The following PTPN5 variants were observed in gnomAD, a reference collection of about 807,000 sequenced individuals.
PTPN5 encodes protein tyrosine phosphatase non-receptor type 5.
A neutral mutation model predicts 73.9 loss-of-function variants in PTPN5; 29 were observed. The ratio of observed to expected loss-of-function variants is 0.39; its 90% CI spans 0.29 to 0.54. The LOEUF is 0.54. PTPN5 is among the 20% of genes least tolerant of loss of function. The pLI is 0.65. For synonymous variants in PTPN5, 267 were observed against 304.7 expected (o/e 0.88, Z 1.29); for missense variants, 652 against 751.4 (o/e 0.87, Z 1.55).
intron 3 of PTPN5, among the ~76,000 whole-genome samples, chr11:18,750,933 C>A (rs899605060): frequency 2.0e-5 from 3 of 152,186 alleles, no homozygotes; most frequent in Admixed American, 2.0e-4. Context: ...TGGAAACCCA[C>A]AAGGGGGATT....
rs555480102 is a variant in PTPN5, at chr11:18,747,271, C to T, written c.98-3072G>A. ...GTTCAAGCAATTCTCCTGCATCAAC[C>T]CCCTGTGTTGCTGGGACTACAGGCA... is the stretch of plus-strand genomic sequence containing the variant. On this transcript the variant is annotated intron_variant, in intron 3 of 14. Coordinates refer to ENST00000358540, the MANE Select transcript of PTPN5 (RefSeq NM_006906.2). Among the ~76,000 whole-genome samples the T allele has an allele frequency of 8.2e-4, 125 of 152,152 alleles. 1 individual carries two copies. In the South Asian group the frequency reaches 8.9e-3, roughly 11 times the overall value.
chr11:18,737,748 C>T (rs551109236), intron 9 of PTPN5, 132 bp downstream of exon 9: 9 of 763,316 alleles, frequency 1.2e-5, no homozygotes, highest in Non-Finnish European at 2.0e-5. Context: ...CAGCCAGCAA[C>T]CCCCAGCCCT....
In PTPN5 at chr11:18,729,928, G is replaced by A; in HGVS notation, c.1330-110C>T. On this transcript the variant is annotated intron_variant, in intron 12 of 14. Coordinates refer to ENST00000358540, the MANE Select transcript of PTPN5 (RefSeq NM_006906.2). This position sits in a 1 kb window ranked among gnomAD's most constrained non-coding sequence, Gnocchi z 5.2. The stretch of plus-strand genomic sequence containing the variant: ...GGAGGAAGAACACAGGAAGAACACT[G>A]AGAGTGGGACCCCTTCACCCTTCCA... The A allele has an allele frequency of 7.1e-7, 1 of 1,407,874 alleles. No homozygotes were observed. 87.2% of individuals were successfully genotyped at this position (1,407,874 alleles called of 1,614,324 possible).
At chr11:18,765,719 G>T in intron 3 of PTPN5, 88 bp downstream of exon 3, 1 of 878,748 alleles carries the variant, frequency 1.1e-6, no homozygotes, top group Non-Finnish European at 1.9e-6. Flanking sequence ...TTCACAGCTA[G>T]CTAGGCTTTA....
Position 18,728,869 on chromosome 11 carries a change from G to A in PTPN5, c.*65C>T. On this transcript the variant is annotated 3_prime_UTR_variant, in exon 15 of 15. Transcript: ENST00000358540. This position sits in a 1 kb window ranked among gnomAD's most constrained non-coding sequence, Gnocchi z 4.1. ...GGAGCAGGCCCAGGACCCGAGGCAG[G>A]GCCCTGGGTGAGGGCCGAGACTCAG... 1 of 1,519,722 alleles carries A rather than the reference G, an allele frequency of 6.6e-7. No homozygotes were observed. The allele number at this position is 1,519,722 out of a possible 1,614,324, so 94.1% of individuals were successfully genotyped here.
intron 2 of PTPN5, among the ~76,000 whole-genome samples, chr11:18,771,474 T>C (rs1262752075): frequency 6.6e-6 from 1 of 152,202 alleles, no homozygotes; most frequent in Non-Finnish European, 1.5e-5. Context: ...ATATGTCCCT[T>C]TGTCTCTTAC....
chr11:18,750,436 C>A (rs540161153), intron 3 of PTPN5, among the ~76,000 whole-genome samples: 1 of 152,192 alleles, frequency 6.6e-6, no homozygotes, highest in African/African-American at 2.4e-5. Context: ...CGCCACACCA[C>A]GTCATTGGTA....
chr11:18,732,327 T>C (rs889817149), intron 12 of PTPN5, among the ~76,000 whole-genome samples: 1 of 152,172 alleles, frequency 6.6e-6, no homozygotes, highest in Non-Finnish European at 1.5e-5. Context: ...ATAGCTAGAA[T>C]GCATTATGAA....
At position 18,729,371 on chromosome 11, in the gene PTPN5, C is replaced by T. The variant is rs1848768228; in HGVS notation, c.1604+82G>A. 4 of 726,864 alleles carry T rather than the reference C, an allele frequency of 5.5e-6. No homozygotes were observed. Among genetic ancestry groups the T allele is most frequent in the Non-Finnish European group, 9.9e-6 (4 of 404,408 alleles). The allele number at this position is 726,864 out of a possible 1,614,324, so 45.0% of individuals were successfully genotyped here. ...TTTTCCATCTGCCCCTCACCCCCCGCCCATGCACATGTGGGTCTCTCCCTC... is the reference window on the plus strand; with the variant it reads ...TTTTCCATCTGCCCCTCACCCCCCGTCCATGCACATGTGGGTCTCTCCCTC... On this transcript the variant is annotated intron_variant, in intron 14 of 14. Transcript: ENST00000358540. This position sits in a 1 kb window ranked among gnomAD's most constrained non-coding sequence, Gnocchi z 5.2.
At chr11:18,781,406 G>A (rs1299974469) in intron 1 of PTPN5, among the ~76,000 whole-genome samples, 2 of 136,794 alleles carry the variant, frequency 1.5e-5, no homozygotes, top group African/African-American at 2.7e-5. Flanking sequence ...TGCAGCCTCC[G>A]CCTCCCGGGT....
chr11:18,729,146 G>A lies in PTPN5; in HGVS notation c.1605-119C>T. Reference sequence around the variant, plus strand: ...GCCTTGCCCCTGTGCGTCTTGGAGAGACCAACCCTTGCCAACCATTACCCT... The same window carrying A: ...GCCTTGCCCCTGTGCGTCTTGGAGAAACCAACCCTTGCCAACCATTACCCT... On this transcript the variant is annotated intron_variant, in intron 14 of 14. Coordinates refer to ENST00000358540, the MANE Select transcript of PTPN5 (RefSeq NM_006906.2). The surrounding 1 kb of genome is among the most constrained non-coding windows in gnomAD (Gnocchi z 5.2). 1 of 990,284 alleles carries A rather than the reference G, an allele frequency of 1.0e-6. No individual in the cohort carries two copies. Among genetic ancestry groups the A allele is most frequent in the Non-Finnish European group, 1.5e-6 (1 of 658,362 alleles). 61.3% of individuals were successfully genotyped at this position (990,284 alleles called of 1,614,324 possible). A position where few individuals can be genotyped will look rare whatever the true frequency, so the allele number is the denominator to read the frequency against.
Position 18,742,530 on chromosome 11 carries a change from T to C in PTPN5, c.484-27A>G. The C allele has an allele frequency of 6.2e-7, 1 of 1,608,402 alleles. No homozygotes were observed. The highest frequency in any genetic ancestry group is 8.5e-7 in the Non-Finnish European group (1 of 1,178,244). Reference sequence around the variant, plus strand: ...TGGTTGGGGTGTACAGCATCACAGATTTCGGACCACGCTGGCTGCCCCCCG... The same window carrying C: ...TGGTTGGGGTGTACAGCATCACAGACTTCGGACCACGCTGGCTGCCCCCCG... On this transcript the variant is annotated intron_variant, in intron 6 of 14. Transcript: ENST00000358540. The surrounding 1 kb of genome is among the most constrained non-coding windows in gnomAD (Gnocchi z 4.1).
At chr11:18,771,855 C>T in intron 2 of PTPN5, 84 bp downstream of exon 2, 1 of 1,164,760 alleles carries the variant, frequency 8.6e-7, no homozygotes, top group East Asian at 2.4e-5. Context: ...GAGAATGGGT[C>T]ACGTGTCCCA....
At chr11:18,746,192 T>TATATATATATATACAC (rs550537453) in intron 3 of PTPN5, among the ~76,000 whole-genome samples, 5 of 102,818 alleles carry the variant, frequency 4.9e-5, no homozygotes, top group African/African-American at 1.2e-4. Context: ...TATATATATA[T>TATATATATATATACAC]ACATTTTTTT....
intron 8 of PTPN5, 92 bp from the exon 9 acceptor site, chr11:18,738,056 G>A (rs1256045227): frequency 1.7e-5 from 18 of 1,049,824 alleles, no homozygotes; most frequent in Non-Finnish European, 2.7e-5. Flanking sequence ...CTAGCCCAGG[G>A]GCTGGCTTGA....
intron 1 of PTPN5, among the ~76,000 whole-genome samples, chr11:18,788,065 G>A (rs1851749859): frequency 1.3e-5 from 2 of 152,122 alleles, no homozygotes; most frequent in Non-Finnish European, 2.9e-5. Flanking sequence ...TGGCCATTCA[G>A]CCTCAAAGCC....
chr11:18,732,674 T>G lies in PTPN5; in HGVS notation c.1247A>C (p.Gln416Pro). The change falls in exon 12 of 15, where the codon CAG becomes CCG. Residue 416 changes from glutamine (Q) to proline (P), a missense_variant. Around this residue, in one of 3 missense-constraint regions of PTPN5, gnomAD observed 529 missense variants for 573.9 expected, o/e 0.92. Transcript: ENST00000358540. The part of the protein sequence containing the change: ...EKCTEYWPEE[Q>P]VAYDGVEITV... ...GATCTCAACACCGTCGTACGCCACC[T>G]GCTCCTCCGGCCAATACTCGGTGCA... 6.2e-7 allele frequency: 1 copy of G among 1,613,902 alleles called. No individual in the cohort carries two copies. Among genetic ancestry groups the G allele is most frequent in the Non-Finnish European group, 8.5e-7 (1 of 1,180,006 alleles).
intron 9 of PTPN5, among the ~76,000 whole-genome samples, chr11:18,734,493 T>C (rs1363119239): frequency 6.6e-6 from 1 of 152,148 alleles, no homozygotes; most frequent in Admixed American, 6.5e-5. Context: ...AATTTATTTT[T>C]TTATTTTTAT....
chr11:18,746,182 T>G, intron 3 of PTPN5, among the ~76,000 whole-genome samples: 1 of 113,860 alleles, frequency 8.8e-6, no homozygotes, highest in South Asian at 3.1e-4. Flanking sequence ...TATATATATA[T>G]ATATATATAT....
Sources: gnomAD v4.1 joint callset for allele counts (sites outside exome capture counted in the v4.1 genomes callset) on GRCh38, gnomAD v4.1.1 for gene constraint, gnomAD v4.1.1 regional missense constraint, Gnocchi (gnomAD v3.1) non-coding constraint, MANE v1.5 for transcripts, NCBI Gene and HGNC (gene_info 2026-07-23, HGNC 2026-07-21) for gene names.